DNAH9: variants seen among roughly 807,000 people sequenced by gnomAD.
DNAH9 encodes DNAH9 variant protein.
Under a neutral mutation model 471.6 loss-of-function variants are expected in DNAH9, and 345 were observed. That is an observed-to-expected ratio of 0.73 (90% CI 0.67 to 0.80). The LOEUF (loss-of-function observed/expected upper bound fraction) is 0.80. Ranked by LOEUF, DNAH9 falls within the 30% of genes least tolerant of loss-of-function variation. The probability of loss-of-function intolerance (pLI) is 0.00; values close to 1 mark genes in which losing one functional copy is unlikely to be tolerated. For synonymous variants in DNAH9, 2,093 were observed against 2,123.6 expected (o/e 0.99, Z 0.40); for missense variants, 5,407 against 5,609.2 (o/e 0.96, Z 1.15).
At position 11,875,176 on chromosome 17, in the gene DNAH9, T is replaced by G. The variant is rs1405865606; in HGVS notation, c.10470T>G (p.Gly3490=). The G allele has an allele frequency of 6.8e-6, 11 of 1,613,454 alleles. No individual in the cohort carries two copies. In the African/African-American group the frequency reaches 1.5e-4, roughly 22 times the overall value. ...YGEDLRVTQI[G]QKGYLQIIEQ... is the part of the protein sequence containing the mutation. ...AAGATCTCCGGGTCACGCAGATTGG[T>G]CAGAAAGGGTAAGTGGTTGAGCACA... The change falls in exon 53 of 69, where the codon GGT becomes GGG. Residue 3490 remains glycine (G), a synonymous_variant. Transcript: ENST00000262442.
intron 5 of DNAH9, among the ~76,000 whole-genome samples, chr17:11,618,125 G>T (rs1210746801): frequency 2.0e-5 from 3 of 152,212 alleles, no homozygotes; most frequent in Non-Finnish European, 4.4e-5. Flanking sequence ...GTTGCTGGGT[G>T]ATTTGAGGCT....
intron 14 of DNAH9, among the ~76,000 whole-genome samples, chr17:11,662,155 A>G (rs2073777689): frequency 6.6e-6 from 1 of 152,142 alleles, no homozygotes; most frequent in Admixed American, 6.5e-5. Context: ...AATGTTTCTT[A>G]TAAGAAGTCA....
At chr17:11,735,727 C>T (rs1026351229) in intron 28 of DNAH9, among the ~76,000 whole-genome samples, 1 of 152,102 alleles carries the variant, frequency 6.6e-6, no homozygotes. Context: ...GATTATTTGT[C>T]TTTTTAATGG....
chr17:11,645,956 T>C (rs186965722), intron 11 of DNAH9, among the ~76,000 whole-genome samples: 2 of 149,236 alleles, frequency 1.3e-5, no homozygotes, highest in East Asian at 4.0e-4. Context: ...CTCGACTCAC[T>C]GCAAGCTCCG....
At chr17:11,755,984 A>C (rs563391280) in intron 33 of DNAH9, among the ~76,000 whole-genome samples, 4 of 152,304 alleles carry the variant, frequency 2.6e-5, no homozygotes, top group Admixed American at 6.5e-5. Flanking sequence ...ATTTCCCCTT[A>C]TAAAACCATC....
intron 27 of DNAH9, among the ~76,000 whole-genome samples, chr17:11,720,476 T>C (rs1466102709): frequency 1.3e-5 from 2 of 152,172 alleles, no homozygotes; most frequent in Non-Finnish European, 2.9e-5. Flanking sequence ...ATTTTTGTTA[T>C]ATTGTATGTG....
chr17:11,963,031 A>G (rs1976362310), intron 68 of DNAH9, among the ~76,000 whole-genome samples: 1 of 152,202 alleles, frequency 6.6e-6, no homozygotes. Context: ...ATGTCTAGGC[A>G]TAACCCCAGA....
rs906383982 is a variant in DNAH9 at position 11,626,411 on chromosome 17, A to G, written c.1351-3006A>G. On this transcript the variant is annotated intron_variant, in intron 6 of 68. Transcript: ENST00000262442. This position sits in a 1 kb window ranked among gnomAD's most constrained non-coding sequence, Gnocchi z 4.3. The stretch of plus-strand genomic sequence containing the variant: ...GGTCAATGCCATAAGTCTGGTGTCT[A>G]TAGTTGTAAGACAATTTCCTAGCTG... Among the ~76,000 whole-genome samples the G allele has an allele frequency of 2.0e-5, 3 of 152,188 alleles. No individual in the cohort carries two copies. Among genetic ancestry groups the G allele is most frequent in the African/African-American group, 7.2e-5 (3 of 41,440 alleles).
chr17:11,875,120 GGC>G lies in DNAH9; in HGVS notation c.10415_10416del (p.Gly3472AspfsTer7). The G allele has an allele frequency of 6.2e-7, 1 of 1,614,132 alleles. No individual in the cohort carries two copies. Among genetic ancestry groups the G allele is most frequent in the Non-Finnish European group, 8.5e-7 (1 of 1,180,026 alleles). ...ACTCATGGTTGACCCTCAGCTACAA[GGC>G]ATCAAATGGATCAAGAATAAATATG... The part of the protein sequence containing the change: ...WPLMVDPQLQ[G>X]IKWIKNKYGE... On this transcript the variant is annotated frameshift_variant, in exon 53 of 69. Coordinates refer to ENST00000262442, the MANE Select transcript of DNAH9 (RefSeq NM_001372.4). LOFTEE classifies it high-confidence loss of function.
rs2150924951 is a variant in DNAH9, at chr17:11,807,855, G to A, written c.8544G>A (p.Gln2848=). 6.2e-7 allele frequency: 1 copy of A among 1,613,840 alleles called. No individual in the cohort carries two copies. The highest frequency in any genetic ancestry group is 8.5e-7 in the Non-Finnish European group (1 of 1,179,770). ...TCATCAGCTCCATGGATGTCTTCCAGATCACACTGCGCAAAGGCTACCAGA... is the reference window on the plus strand; with the variant it reads ...TCATCAGCTCCATGGATGTCTTCCAAATCACACTGCGCAAAGGCTACCAGA... The part of the protein sequence containing the change: ...AAFISSMDVF[Q]ITLRKGYQIQ... The change falls in exon 44 of 69, where the codon CAG becomes CAA. Residue 2848 remains glutamine (Q), a synonymous_variant. Transcript: ENST00000262442.
intron 68 of DNAH9, among the ~76,000 whole-genome samples, chr17:11,965,736 T>A (rs1245002364): frequency 6.6e-6 from 1 of 152,142 alleles, no homozygotes; most frequent in Non-Finnish European, 1.5e-5. Flanking sequence ...TTGTGTGAAC[T>A]ATGTATCACT....
In DNAH9 at chr17:11,883,646, C is replaced by T; in HGVS notation, c.10867C>T (p.Leu3623Phe). 1.2e-6 allele frequency: 2 copies of T among 1,614,134 alleles called. No individual in the cohort carries two copies. The highest frequency in any genetic ancestry group is 1.3e-5 in the African/African-American group (1 of 75,024). Residue 3623 changes from leucine to phenylalanine, a missense_variant, in exon 56 of 69, where the codon CTT becomes TTT. By Grantham distance (22) the Leu-to-Phe change is conservative. Transcript: ENST00000262442. Reference protein sequence around the residue: ...KITLKTLEDSLLSRLSSASGN... With the variant: ...KITLKTLEDSFLSRLSSASGN... ...TACCCTGAAAACGTTGGAAGACAGT[C>T]TTCTCTCTCGCCTCTCCTCCGCCTC...
At chr17:11,842,522 C>G (rs1037413029) in intron 49 of DNAH9, among the ~76,000 whole-genome samples, 1 of 152,126 alleles carries the variant, frequency 6.6e-6, no homozygotes, top group African/African-American at 2.4e-5. Flanking sequence ...ATCAAGGAAG[C>G]CAGTCCGGGT....
chr17:11,713,345 T>C, intron 26 of DNAH9, among the ~76,000 whole-genome samples: 1 of 152,186 alleles, frequency 6.6e-6, no homozygotes, highest in Non-Finnish European at 1.5e-5. Flanking sequence ...GCTTTGTGAA[T>C]AGTGCTGCAA....
At chr17:11,721,213 C>T (rs1280021347) in intron 27 of DNAH9, among the ~76,000 whole-genome samples, 1 of 152,148 alleles carries the variant, frequency 6.6e-6, no homozygotes, top group Non-Finnish European at 1.5e-5. Flanking sequence ...CTAACCCCAC[C>T]AATTTTGTTA....
intron 49 of DNAH9, among the ~76,000 whole-genome samples, chr17:11,841,244 G>A (rs1415420585): frequency 6.6e-6 from 1 of 152,166 alleles, no homozygotes; most frequent in African/African-American, 2.4e-5. Context: ...CATTTTAGGA[G>A]GTTTATTTGC....
intron 13 of DNAH9, 57 bp from the exon 14 acceptor site, chr17:11,652,704 C>T (rs2073540191): frequency 1.3e-6 from 2 of 1,560,444 alleles, no homozygotes; most frequent in Non-Finnish European, 1.7e-6. Context: ...AGCAACTAGC[C>T]CTTTAGCTAT....
Position 11,757,593 on chromosome 17 carries a change from G to A in DNAH9, c.6896G>A (p.Ser2299Asn), listed in dbSNP as rs767654067. The change falls in exon 35 of 69, where the codon AGC becomes AAC. Residue 2299 changes from serine (S) to asparagine (N), a missense_variant. Coordinates refer to ENST00000262442, the MANE Select transcript of DNAH9 (RefSeq NM_001372.4). Reference sequence around the variant, plus strand: ...GACTTGGGATGGAACCCTCCAGTGAGCAGCTGGATTGAGAAGAGGGAAATC... The same window carrying A: ...GACTTGGGATGGAACCCTCCAGTGAACAGCTGGATTGAGAAGAGGGAAATC... ...PADLGWNPPV[S>N]SWIEKREIQT... The A allele has an allele frequency of 6.2e-7, 1 of 1,613,502 alleles. No individual in the cohort carries two copies. The highest frequency in any genetic ancestry group is 8.5e-7 in the Non-Finnish European group (1 of 1,179,408).
Position 11,822,537 on chromosome 17 carries a change from T to G in DNAH9, c.8950T>G (p.Trp2984Gly), listed in dbSNP as rs199800683. 1.2e-6 allele frequency: 2 copies of G among 1,613,944 alleles called. No individual in the cohort carries two copies. Among genetic ancestry groups the G allele is most frequent in the African/African-American group, 2.7e-5 (2 of 74,880 alleles). ...CACAGCCATCCACTGGTTCCACGAG[T>G]GGCCTCAGCAAGCATTGGAGTCTGT... ...NCTAIHWFHE[W>G]PQQALESVSL... Residue 2984 changes from tryptophan to glycine, a missense_variant, in exon 47 of 69, where the codon TGG becomes GGG. By Grantham distance (184) the Trp-to-Gly change is radical. Coordinates refer to ENST00000262442, the MANE Select transcript of DNAH9 (RefSeq NM_001372.4).
Sources: gnomAD v4.1 joint callset for allele counts (sites outside exome capture counted in the v4.1 genomes callset) on GRCh38, gnomAD v4.1.1 for gene constraint, Gnocchi (gnomAD v3.1) non-coding constraint, MANE v1.5 for transcripts, NCBI Gene and HGNC (gene_info 2026-07-23, HGNC 2026-07-21) for gene names.